GRIN2A: variants seen among roughly 807,000 people sequenced by gnomAD.
GRIN2A encodes glutamate receptor ionotropic, NMDA 2A.
In GRIN2A, 22 loss-of-function variants were observed where a neutral mutation model predicts 113.4. The ratio of observed to expected loss-of-function variants is 0.19; its 90% CI spans 0.14 to 0.28. The LOEUF (loss-of-function observed/expected upper bound fraction) is 0.28. Among genes scored for constraint, GRIN2A ranks in the 10% least tolerant of loss-of-function variants. The pLI is 1.00. For synonymous variants in GRIN2A, 827 were observed against 738.4 expected (o/e 1.12, Z -1.94); for missense variants, 1,502 against 1,887.0 (o/e 0.80, Z 3.78).
At chr16:9,913,689 T>C (rs909538468) in intron 3 of GRIN2A, among the ~76,000 whole-genome samples, 8 of 152,304 alleles carry the variant, frequency 5.3e-5, no homozygotes, top group South Asian at 2.1e-4. Flanking sequence ...AAAAGAGCTA[T>C]ATTCTACGCT....
At chr16:9,996,048 A>G (rs1272502972) in intron 2 of GRIN2A, among the ~76,000 whole-genome samples, 2 of 145,202 alleles carry the variant, frequency 1.4e-5, no homozygotes, top group Non-Finnish European at 3.0e-5. Flanking sequence ...AAAAAAAAAA[A>G]AAAAGAAAGA....
At chr16:9,852,021 A>G (rs1415589678) in intron 4 of GRIN2A, among the ~76,000 whole-genome samples, 1 of 152,208 alleles carries the variant, frequency 6.6e-6, no homozygotes, top group Non-Finnish European at 1.5e-5. Context: ...CCACCGTAGC[A>G]TTTTATATTA....
chr16:10,007,788 T>C (rs147668155), intron 2 of GRIN2A, among the ~76,000 whole-genome samples: 198 of 152,280 alleles, frequency 1.3e-3, no homozygotes, highest in African/African-American at 4.4e-3. Context: ...AGAGGCTGTG[T>C]AGCTGGAGAC....
chr16:10,130,833 G>A (rs1223507305), intron 2 of GRIN2A, among the ~76,000 whole-genome samples: 3 of 152,172 alleles, frequency 2.0e-5, no homozygotes, highest in African/African-American at 7.2e-5. Context: ...AACAGCTGGG[G>A]GAGTAAAATG....
chr16:9,970,843 G>C (rs1418995483), intron 2 of GRIN2A: 5 of 243,174 alleles, frequency 2.1e-5, no homozygotes, highest in Admixed American at 6.5e-5. Flanking sequence ...TGGTGAGACA[G>C]ACAAATAGAT....
At chr16:9,878,900 CAT>C (rs2043424485) in intron 4 of GRIN2A, among the ~76,000 whole-genome samples, 1 of 152,022 alleles carries the variant, frequency 6.6e-6, no homozygotes, top group East Asian at 1.9e-4. Context: ...TGCACACACA[CAT>C]GCTTTGGGAG....
intron 10 of GRIN2A, among the ~76,000 whole-genome samples, chr16:9,808,786 T>TATAA (rs1596447325): frequency 6.6e-6 from 1 of 151,926 alleles, no homozygotes; most frequent in Admixed American, 6.6e-5. Context: ...TTCAAGAAAA[T>TATAA]ATAAATACTT....
At chr16:9,857,963 T>G (rs1350617711) in intron 4 of GRIN2A, among the ~76,000 whole-genome samples, 1 of 152,238 alleles carries the variant, frequency 6.6e-6, no homozygotes, top group Non-Finnish European at 1.5e-5. Flanking sequence ...TATGCTGTTT[T>G]GCTTACCTGT....
intron 2 of GRIN2A, among the ~76,000 whole-genome samples, chr16:10,156,392 A>T (rs2049694745): frequency 6.6e-6 from 1 of 152,242 alleles, no homozygotes; most frequent in Non-Finnish European, 1.5e-5. Flanking sequence ...CTAATGAGGG[A>T]AGAGAAATAA....
At chr16:9,896,442 C>A (rs11648614) in intron 3 of GRIN2A, among the ~76,000 whole-genome samples, 43,191 of 152,138 alleles carry the variant, frequency 0.28, 7,036 homozygotes, top group African/African-American at 0.44. Flanking sequence ...TTTCCCATCT[C>A]CATGTTCTCC....
intron 12 of GRIN2A, among the ~76,000 whole-genome samples, chr16:9,768,125 A>G (rs1017456299): frequency 6.6e-5 from 10 of 152,178 alleles, no homozygotes; most frequent in African/African-American, 2.4e-4. Flanking sequence ...CAGTGGCGCT[A>G]TCTTGGCTCA....
chr16:9,903,670 T>C (rs2043976817), intron 3 of GRIN2A, among the ~76,000 whole-genome samples: 1 of 152,226 alleles, frequency 6.6e-6, no homozygotes, highest in Non-Finnish European at 1.5e-5. Context: ...CACAAAGTAT[T>C]ACTTGACTCC....
intron 2 of GRIN2A, among the ~76,000 whole-genome samples, chr16:10,119,507 T>C (rs1209911715): frequency 1.3e-5 from 2 of 152,198 alleles, no homozygotes; most frequent in African/African-American, 4.8e-5. Flanking sequence ...AAACAAAAGC[T>C]TCATTCAAGA....
chr16:10,098,311 T>C (rs58243042), intron 2 of GRIN2A, among the ~76,000 whole-genome samples: 7,009 of 152,238 alleles, frequency 0.046, 278 homozygotes, highest in African/African-American at 0.11. Flanking sequence ...AAATAGACAT[T>C]GGCATGGATG....
chr16:10,083,006 A>AT (rs1438300454), intron 2 of GRIN2A, among the ~76,000 whole-genome samples: 5 of 152,246 alleles, frequency 3.3e-5, no homozygotes, highest in African/African-American at 1.2e-4. Flanking sequence ...GCATGATTAA[A>AT]TGCACTTCCT....
At chr16:10,138,980 G>A (rs2049263130) in intron 2 of GRIN2A, among the ~76,000 whole-genome samples, 1 of 152,116 alleles carries the variant, frequency 6.6e-6, no homozygotes, top group African/African-American at 2.4e-5. Context: ...TCTCCAGTGG[G>A]GAAACAAAAA....
At chr16:10,075,993 T>G (rs2047865469) in intron 2 of GRIN2A, among the ~76,000 whole-genome samples, 1 of 152,142 alleles carries the variant, frequency 6.6e-6, no homozygotes, top group Admixed American at 6.5e-5. Flanking sequence ...ACCACTCCCT[T>G]TTTCAATGCA....
chr16:10,151,037 G>T (rs1224411101), intron 2 of GRIN2A, among the ~76,000 whole-genome samples: 7 of 152,136 alleles, frequency 4.6e-5, no homozygotes, highest in African/African-American at 1.7e-4. Context: ...CTGTTGAGCT[G>T]GGGACTAAAC....
intron 2 of GRIN2A, among the ~76,000 whole-genome samples, chr16:10,166,739 G>A (rs1001116852): frequency 2.0e-5 from 3 of 152,138 alleles, no homozygotes; most frequent in African/African-American, 4.8e-5. Flanking sequence ...ACAACACACT[G>A]CATGCGTCTA....
Sources: allele counts gnomAD v4.1 joint callset (sites outside exome capture counted in the v4.1 genomes callset), GRCh38; gene constraint gnomAD v4.1.1; transcripts MANE v1.5; gene names NCBI Gene and HGNC (gene_info 2026-07-23, HGNC 2026-07-21).